The following OXR1 variants were observed in gnomAD, a reference collection of about 807,000 sequenced individuals.
OXR1 encodes the protein oxidation resistance 1.
Under a neutral mutation model 104.6 loss-of-function variants are expected in OXR1, and 41 were observed. That is an observed-to-expected ratio of 0.39 (90% CI 0.31 to 0.51). The LOEUF is 0.51. OXR1 is among the 20% of genes least tolerant of loss of function. The pLI is 0.77. For missense variants in OXR1, 955 were observed against 1,031.9 expected (o/e 0.93, Z 1.02); for synonymous variants, 348 against 348.4 (o/e 1.00, Z 0.01).
At chr8:106,377,901 C>T (rs1333320745) in intron 2 of OXR1, among the ~76,000 whole-genome samples, 1 of 152,146 alleles carries the variant, frequency 6.6e-6, no homozygotes, top group East Asian at 1.9e-4. Flanking sequence ...GATAACTGAA[C>T]ACAAAAATCA....
chr8:106,681,196 A>C (rs1421422895), intron 4 of OXR1, among the ~76,000 whole-genome samples: 1 of 152,166 alleles, frequency 6.6e-6, no homozygotes, highest in Non-Finnish European at 1.5e-5. Context: ...AAAATGTGTT[A>C]TTATTAATTA....
At chr8:106,487,947 A>T (rs1336769988) in intron 2 of OXR1, among the ~76,000 whole-genome samples, 1 of 151,026 alleles carries the variant, frequency 6.6e-6, no homozygotes, top group Non-Finnish European at 1.5e-5. Flanking sequence ...CAGTAATGGG[A>T]TGGCTGGGTC....
intron 3 of OXR1, among the ~76,000 whole-genome samples, chr8:106,551,838 G>A (rs1219508040): frequency 1.4e-5 from 2 of 138,328 alleles, no homozygotes; most frequent in East Asian, 2.1e-4. Context: ...ATATATATAT[G>A]TGTACATATA....
In OXR1 at chr8:106,462,412, C is replaced by T. The variant is rs114289066; in HGVS notation, c.24-56531C>T. On this transcript the variant is annotated intron_variant, in intron 2 of 16. Transcript: ENST00000517566. ...TTTGTTTTTTCACCTCTGTTTAAAT[C>T]ATTACCCATTCATATACTCTACAAT... 1.1e-4 allele frequency among the ~76,000 whole-genome samples: 17 copies of T among 152,114 alleles called. 1 individual carries two copies. Among genetic ancestry groups the T allele is most frequent in the Admixed American group, 1.1e-3 (17 of 15,258 alleles).
intron 3 of OXR1, among the ~76,000 whole-genome samples, chr8:106,527,246 C>A (rs1813753385): frequency 6.6e-6 from 1 of 152,168 alleles, no homozygotes; most frequent in South Asian, 2.1e-4. Flanking sequence ...TATTAGTGAG[C>A]TTGTTGTTGT....
intron 2 of OXR1, among the ~76,000 whole-genome samples, chr8:106,508,715 G>A (rs1037398480): frequency 6.6e-5 from 10 of 152,330 alleles, no homozygotes; most frequent in African/African-American, 2.4e-4. Flanking sequence ...GTTACCCAGA[G>A]TGTTTTCCAC....
chr8:106,328,000 G>C (rs1328664531), intron 1 of OXR1, among the ~76,000 whole-genome samples: 1 of 152,138 alleles, frequency 6.6e-6, no homozygotes, highest in Non-Finnish European at 1.5e-5. Context: ...AAGGATGTGG[G>C]TTTGATTCCA....
Position 106,365,865 on chromosome 8 carries a change from C to T in OXR1, c.23+6229C>T, listed in dbSNP as rs1398795697. ...TTTTGTCTTTAAAAACTAATGCCAA[C>T]TAGACATAAATCACATCCTTGAAAG... On this transcript the variant is annotated intron_variant, in intron 2 of 16. Transcript: ENST00000517566. Among the ~76,000 whole-genome samples the T allele has an allele frequency of 4.6e-5, 7 of 152,156 alleles. No homozygotes were observed. The East Asian group carries it at 1.3e-3, about 29-fold the overall frequency.
intron 2 of OXR1, among the ~76,000 whole-genome samples, chr8:106,392,627 C>A (rs1434811791): frequency 6.6e-6 from 1 of 152,054 alleles, no homozygotes; most frequent in African/African-American, 2.4e-5. Flanking sequence ...GCTTTATCAG[C>A]ATAAAAAATT....
rs113141801 is a variant in OXR1, at chr8:106,527,172, G to A, written c.220+8033G>A. 4.2e-3 allele frequency among the ~76,000 whole-genome samples: 639 copies of A among 152,294 alleles called. 4 individuals are homozygous for A. The highest frequency in any genetic ancestry group is 0.015 in the African/African-American group (610 of 41,526). ...CTTACTGAAAGGGCTGTGGTGAGGTGTAAGTGAGGTAATGTATTTAAAGTA... is the reference window on the plus strand; with the variant it reads ...CTTACTGAAAGGGCTGTGGTGAGGTATAAGTGAGGTAATGTATTTAAAGTA... On this transcript the variant is annotated intron_variant, in intron 3 of 16. Coordinates refer to ENST00000517566, the MANE Select transcript of OXR1 (RefSeq NM_001198533.2).
rs1036389615 is a variant in OXR1 at position 106,717,884 on chromosome 8, AT to A, written c.1956+3908del. Among the ~76,000 whole-genome samples, 6 of 151,396 alleles carry A rather than the reference AT, an allele frequency of 4.0e-5. No homozygotes were observed. In the South Asian group the frequency reaches 6.2e-4, roughly 16 times the overall value. The stretch of plus-strand genomic sequence containing the variant: ...TAATAGTCCACAGTCTGTCATTTAC[AT>A]TTTTTTTTGTTCTGTTTAAACATAT... On this transcript the variant is annotated intron_variant, in intron 11 of 16. Transcript: ENST00000517566.
chr8:106,686,892 A>G (rs1421188018), intron 6 of OXR1, among the ~76,000 whole-genome samples: 1 of 152,224 alleles, frequency 6.6e-6, no homozygotes, highest in East Asian at 1.9e-4. Context: ...GAAGAAATAT[A>G]GAAGGAGATA....
chr8:106,475,820 G>A (rs573769140), intron 2 of OXR1, among the ~76,000 whole-genome samples: 1 of 152,016 alleles, frequency 6.6e-6, no homozygotes, highest in East Asian at 1.9e-4. Context: ...GTTAATTCCT[G>A]TCTTGTGGTA....
rs1830729237 is a variant in OXR1 at position 106,703,101 on chromosome 8, T to G, written c.860+11T>G. Reference sequence around the variant, plus strand: ...GGAATCTTTACCCATGTAAGAGTGATATTTATATTCCTTTGCAACTTTATT... The same window carrying G: ...GGAATCTTTACCCATGTAAGAGTGAGATTTATATTCCTTTGCAACTTTATT... On this transcript the variant is annotated intron_variant, in intron 8 of 16. Transcript: ENST00000517566. The G allele has an allele frequency of 6.3e-7, 1 of 1,575,854 alleles. No individual in the cohort carries two copies. The highest frequency in any genetic ancestry group is 2.2e-5 in the East Asian group (1 of 44,662).
At chr8:106,715,454 ATT>A (rs1188540427) in intron 11 of OXR1, among the ~76,000 whole-genome samples, 1 of 148,684 alleles carries the variant, frequency 6.7e-6, no homozygotes, top group Non-Finnish European at 1.5e-5. Flanking sequence ...ATATATATAT[ATT>A]ATATACATCT....
intron 1 of OXR1, among the ~76,000 whole-genome samples, chr8:106,297,564 G>A (rs918746127): frequency 7.1e-6 from 1 of 140,086 alleles, no homozygotes; most frequent in African/African-American, 3.1e-5. Flanking sequence ...ACAATGGTAA[G>A]TATTTGTGTA....
rs59188130 is a variant in OXR1, at chr8:106,298,760, TAAAC to T, written c.-139+28409_-139+28412del. On this transcript the variant is annotated intron_variant, in intron 1 of 16. Transcript: ENST00000517566. Reference sequence around the variant, plus strand: ...TCTGGAGGAAAAAAAACAAAACAAATAAACAAACAAACAAACAAAAAACCACCCC... The same window carrying T: ...TCTGGAGGAAAAAAAACAAAACAAATAAACAAACAAACAAAAAACCACCCC... Among the ~76,000 whole-genome samples the T allele has an allele frequency of 2.0e-4, 31 of 151,460 alleles. No individual in the cohort carries two copies. The East Asian group carries it at 2.9e-3, about 14-fold the overall frequency.
At chr8:106,347,515 A>G (rs889848100) in intron 1 of OXR1, among the ~76,000 whole-genome samples, 2 of 152,204 alleles carry the variant, frequency 1.3e-5, no homozygotes, top group African/African-American at 4.8e-5. Context: ...TAACATAGCA[A>G]TTCAACTAAA....
chr8:106,749,170 A>G (rs1835664136), intron 16 of OXR1, among the ~76,000 whole-genome samples: 1 of 151,762 alleles, frequency 6.6e-6, no homozygotes. Context: ...GTGAAATCCC[A>G]TCTCTACTAA....
Sources: allele counts gnomAD v4.1 joint callset (sites outside exome capture counted in the v4.1 genomes callset), GRCh38; gene constraint gnomAD v4.1.1; transcripts MANE v1.5; gene names NCBI Gene and HGNC (gene_info 2026-07-23, HGNC 2026-07-21).